The following CELF2 variants were observed in gnomAD, a reference collection of about 807,000 sequenced individuals.
CELF2 encodes the protein CUG triplet repeat RNA-binding protein 2.
In CELF2, 8 loss-of-function variants were observed where a neutral mutation model predicts 62.6. The observed-to-expected ratio is 0.13, with a 90% CI of 0.07 to 0.23. CELF2 has a LOEUF of 0.23. Ranked by LOEUF, CELF2 falls within the 10% of genes least tolerant of loss-of-function variation. The pLI is 1.00. For synonymous variants in CELF2, 258 were observed against 250.0 expected (o/e 1.03, Z -0.30); for missense variants, 333 against 671.0 (o/e 0.50, Z 5.56).
At chr10:10,492,224 C>G in the CELF2 span, among the ~76,000 whole-genome samples, 2 of 152,204 alleles carry the variant, frequency 1.3e-5, no homozygotes. Context: ...ACATCTCCAT[C>G]TCTAATCCGT....
chr10:10,882,468 G>A lies in CELF2; in HGVS notation c.54-37496G>A, dbSNP rs568244712. On this transcript the variant is annotated intron_variant, in intron 1 of 13. Coordinates refer to the CELF2 transcript ENST00000636488. ...TCACTAAATTACTTGTCTGAACAGGGAAGGAAGTTTCTATTGGTTTAATCC... is the reference window on the plus strand; with the variant it reads ...TCACTAAATTACTTGTCTGAACAGGAAAGGAAGTTTCTATTGGTTTAATCC... Among the ~76,000 whole-genome samples the A allele has an allele frequency of 6.6e-5, 10 of 152,334 alleles. No homozygotes were observed. In the South Asian group the frequency reaches 2.1e-3, roughly 32 times the overall value.
chr10:11,038,806 C>T (rs1157567825), intron 1 of CELF2, among the ~76,000 whole-genome samples: 1 of 152,098 alleles, frequency 6.6e-6, no homozygotes, highest in Admixed American at 6.5e-5. Flanking sequence ...TCTGGAACCC[C>T]ATAGGTGGGC....
rs1444666171 is a variant in CELF2, at chr10:11,226,625, C to CAT, written c.354+9119_354+9120insTA. Among the ~76,000 whole-genome samples the CAT allele has an allele frequency of 2.0e-5, 3 of 151,798 alleles. No homozygotes were observed. In the East Asian group the frequency reaches 5.8e-4, roughly 29 times the overall value. On this transcript the variant is annotated intron_variant, in intron 3 of 12. Transcript: ENST00000633077. ...CCACACACACACACACACACACACA[C>CAT]ACACACACACACACACACGAGCTGG...
chr10:11,036,274 T>TGTA (rs1237124188), intron 1 of CELF2, among the ~76,000 whole-genome samples: 1 of 152,262 alleles, frequency 6.6e-6, no homozygotes, highest in African/African-American at 2.4e-5. Context: ...AATCTGTGTT[T>TGTA]CCTTTTGTAT....
chr10:10,970,223 C>T (rs193200718), intron 2 of CELF2, among the ~76,000 whole-genome samples: 1 of 152,240 alleles, frequency 6.6e-6, no homozygotes, highest in Admixed American at 6.5e-5. Context: ...TGTGCACCAC[C>T]ATGCCTGGCT....
At chr10:11,282,651 CTT>C (rs1329795609) in intron 8 of CELF2, among the ~76,000 whole-genome samples, 3 of 152,234 alleles carry the variant, frequency 2.0e-5, no homozygotes, top group Non-Finnish European at 4.4e-5. Flanking sequence ...CATTTAATCT[CTT>C]AATCCTCAAG....
the CELF2 span, among the ~76,000 whole-genome samples, chr10:10,566,148 G>A: frequency 6.3e-3 from 955 of 152,192 alleles, 10 homozygotes; most frequent in African/African-American, 0.021. Context: ...CAAGGAACTA[G>A]GAGTCCAGGG....
the CELF2 span, among the ~76,000 whole-genome samples, chr10:10,774,192 A>T: frequency 6.6e-6 from 1 of 152,214 alleles, no homozygotes; most frequent in Admixed American, 6.5e-5. Context: ...AGGTACTGGA[A>T]ATACAATTCC....
the CELF2 span, among the ~76,000 whole-genome samples, chr10:10,478,382 T>C: frequency 2.0e-5 from 3 of 152,194 alleles, no homozygotes; most frequent in African/African-American, 7.2e-5. Flanking sequence ...CCGATTGATA[T>C]TCAAACAAAC....
the CELF2 span, among the ~76,000 whole-genome samples, chr10:10,752,145 T>C: frequency 1.5e-4 from 23 of 152,326 alleles, no homozygotes; most frequent in East Asian, 2.3e-3. Context: ...CATATCCAGA[T>C]GTTGGTTCCA....
chr10:11,281,190 T>A (rs1411124373), intron 8 of CELF2, among the ~76,000 whole-genome samples: 2 of 151,334 alleles, frequency 1.3e-5, no homozygotes, highest in African/African-American at 4.8e-5. Context: ...AGGTCAGAAG[T>A]TCTTCAGCTT....
intron 1 of CELF2, among the ~76,000 whole-genome samples, chr10:11,061,960 CT>C (rs2066854945): frequency 6.6e-6 from 1 of 152,212 alleles, no homozygotes; most frequent in East Asian, 1.9e-4. Context: ...CTATAGGCAC[CT>C]GCCACCACGC....
the CELF2 span, among the ~76,000 whole-genome samples, chr10:10,590,379 G>T: frequency 6.6e-6 from 1 of 152,186 alleles, no homozygotes; most frequent in African/African-American, 2.4e-5. Flanking sequence ...TGTGTAAAAT[G>T]CACCCTGAAG....
the CELF2 span, among the ~76,000 whole-genome samples, chr10:10,483,861 T>G: frequency 3.3e-5 from 5 of 151,782 alleles, no homozygotes; most frequent in African/African-American, 7.3e-5. Flanking sequence ...CTGCCTGCCT[T>G]CCTTCCTTCC....
chr10:10,621,271 C>T, the CELF2 span, among the ~76,000 whole-genome samples: 1 of 143,664 alleles, frequency 7.0e-6, no homozygotes, highest in African/African-American at 2.6e-5. Flanking sequence ...AAAAAGGCTA[C>T]AGTAGAATGA....
chr10:11,094,176 C>T (rs748888821), intron 1 of CELF2, among the ~76,000 whole-genome samples: 2 of 152,142 alleles, frequency 1.3e-5, no homozygotes, highest in Non-Finnish European at 2.9e-5. Context: ...AACTTGCTGG[C>T]GACCTAGCTG....
chr10:10,817,768 T>A (rs1164475201), intron 1 of CELF2, among the ~76,000 whole-genome samples: 1 of 152,230 alleles, frequency 6.6e-6, no homozygotes, highest in African/African-American at 2.4e-5. Context: ...TTGTAAACAG[T>A]GTTGCAACAA....
the CELF2 span, among the ~76,000 whole-genome samples, chr10:10,563,742 T>C: frequency 2.6e-5 from 4 of 152,182 alleles, no homozygotes; most frequent in Non-Finnish European, 5.9e-5. Flanking sequence ...CTGTGTGTTC[T>C]GTGAAGGTCC....
chr10:10,656,941 G>T, the CELF2 span, among the ~76,000 whole-genome samples: 9 of 147,924 alleles, frequency 6.1e-5, no homozygotes, highest in African/African-American at 2.2e-4. Context: ...AAAAGAAAAC[G>T]TGTCCACACA....
Sources: allele counts gnomAD v4.1 joint callset (sites outside exome capture counted in the v4.1 genomes callset), GRCh38; gene constraint gnomAD v4.1.1; transcripts MANE v1.5; gene names NCBI Gene and HGNC (gene_info 2026-07-23, HGNC 2026-07-21).